The following CENPE variants were observed in gnomAD, a reference collection of about 807,000 sequenced individuals.
CENPE encodes centromere-associated protein E.
A neutral mutation model predicts 336.1 loss-of-function variants in CENPE; 145 were observed. That is an observed-to-expected ratio of 0.43 (90% CI 0.38 to 0.50). The LOEUF (loss-of-function observed/expected upper bound fraction) is 0.50. Among genes scored for constraint, CENPE ranks in the 20% least tolerant of loss-of-function variants. The pLI is 0.00. For synonymous variants in CENPE, 1,013 were observed against 984.8 expected, an observed-to-expected ratio of 1.03 and a Z score of -0.54; for missense variants, 2,719 against 3,023.3, an observed-to-expected ratio of 0.90 and a Z score of 2.36.
chr4:103,163,607 G>GAA, intron 16 of CENPE, 54 bp from the exon 17 acceptor site: 1 of 198,406 alleles, frequency 5.0e-6, no homozygotes, highest in Non-Finnish European at 7.7e-6. Context: ...ATAAAGCAAA[G>GAA]CAAAAAAAAA....
rs1475697309 is a variant in CENPE, at chr4:103,180,368, T to C, written c.1185A>G (p.Glu395=). The C allele has an allele frequency of 6.2e-7, 1 of 1,613,282 alleles. No homozygotes were observed. Among genetic ancestry groups the C allele is most frequent in the Non-Finnish European group, 8.5e-7 (1 of 1,179,554 alleles). Residue 395 remains glutamate, a synonymous_variant, in exon 13 of 49, where the codon GAA becomes GAG. Transcript: ENST00000265148. ...LLQKVQNEKI[E]NLTRMLVTSS... is the part of the protein sequence containing the mutation. ...AGGTCACCAGCATCCGTGTTAAGTT[T>C]TCAATTTTCTCATTCTGTACTTTCT...
rs1752849712 is a variant in CENPE, at chr4:103,144,538, T to C, written c.4938A>G (p.Ile1646Met). ...VNETQEKMCE[I>M]EHLKEQFETQ... ...TCTCAAATTGCTCCTTCAAGTGTTCTATTTCACACATTTTCTCCTGAGTCT... is the reference window on the plus strand; with the variant it reads ...TCTCAAATTGCTCCTTCAAGTGTTCCATTTCACACATTTTCTCCTGAGTCT... Residue 1646 changes from isoleucine to methionine, a missense_variant, in exon 33 of 49, where the codon ATA becomes ATG. Around this residue, in one of 5 missense-constraint regions of CENPE, gnomAD observed 2,437 missense variants for 2,513.3 expected, o/e 0.97. Coordinates refer to ENST00000265148, the MANE Select transcript of CENPE (RefSeq NM_001813.3). 1 of 1,613,530 alleles carries C rather than the reference T, an allele frequency of 6.2e-7. No homozygotes were observed. The highest frequency in any genetic ancestry group is 8.5e-7 in the Non-Finnish European group (1 of 1,179,532).
intron 44 of CENPE, among the ~76,000 whole-genome samples, chr4:103,117,442 G>A (rs1040361662): frequency 3.3e-5 from 5 of 151,880 alleles, no homozygotes; most frequent in Admixed American, 6.6e-5. Context: ...AAAAAACCCC[G>A]TGCTTTGCCT....
intron 46 of CENPE, among the ~76,000 whole-genome samples, chr4:103,113,255 T>C (rs1749735318): frequency 7.1e-6 from 1 of 141,810 alleles, no homozygotes; most frequent in South Asian, 2.2e-4. Context: ...TAAGTATATA[T>C]AAGTGTATAC....
At chr4:103,171,220 AAC>A (rs1300322486) in intron 16 of CENPE, among the ~76,000 whole-genome samples, 3 of 152,134 alleles carry the variant, frequency 2.0e-5, no homozygotes, top group Non-Finnish European at 4.4e-5. Flanking sequence ...AGCTGCAGAA[AAC>A]ACATTCTTAT....
chr4:103,165,885 AAAAAAAAAG>A (rs1024813508), intron 16 of CENPE, among the ~76,000 whole-genome samples: 17 of 151,346 alleles, frequency 1.1e-4, no homozygotes, highest in African/African-American at 3.4e-4. Context: ...GTTTTAAAAA[AAAAAAAAAG>A]AAAAAAAAGA....
At chr4:103,135,857 T>C (rs1222492632) in intron 40 of CENPE, among the ~76,000 whole-genome samples, 3 of 152,210 alleles carry the variant, frequency 2.0e-5, no homozygotes, top group Non-Finnish European at 4.4e-5. Flanking sequence ...ACTTCTATCA[T>C]TGCACTTAAT....
At chr4:103,122,760 A>G (rs1750750354) in intron 43 of CENPE, 111 bp downstream of exon 43, 1 of 766,098 alleles carries the variant, frequency 1.3e-6, no homozygotes, top group African/African-American at 1.8e-5. Context: ...CAAGCCCATC[A>G]CTTACAAAAA....
intron 30 of CENPE, 70 bp from the exon 31 acceptor site, chr4:103,145,751 C>T (rs1578603807): frequency 6.6e-7 from 1 of 1,513,038 alleles, no homozygotes; most frequent in South Asian, 1.3e-5. Context: ...ATTAACTCCC[C>T]TTTCCAAATA....
In CENPE at chr4:103,120,167, T is replaced by A; in HGVS notation, c.7310A>T (p.Glu2437Val). The A allele has an allele frequency of 6.2e-7, 1 of 1,601,100 alleles. No homozygotes were observed. The highest frequency in any genetic ancestry group is 8.5e-7 in the Non-Finnish European group (1 of 1,175,904). The change falls in exon 44 of 49, where the codon GAG (glutamate) becomes GTG (valine). Residue 2437 changes from glutamate (E) to valine (V), a missense_variant. By Grantham distance (121) the Glu-to-Val change is moderately radical. Transcript: ENST00000265148. ...AGTTACCTGAAGTACTTGAATTGTC[T>A]CTTTTGTTTTTTCAAGGCATTTATT... ...ESNKCLEKTK[E>V]TIQVLQDKVA...
intron 42 of CENPE, among the ~76,000 whole-genome samples, chr4:103,125,168 C>A (rs1053204259): frequency 6.6e-6 from 1 of 152,116 alleles, no homozygotes; most frequent in African/African-American, 2.4e-5. Flanking sequence ...TTAAAAAAGG[C>A]ATTGTTCCTT....
At chr4:103,158,549 T>C in intron 23 of CENPE, 65 bp downstream of exon 23, 1 of 1,517,126 alleles carries the variant, frequency 6.6e-7, no homozygotes, top group Non-Finnish European at 8.8e-7. Context: ...AAATAATAAA[T>C]GATGGCCTCT....
chr4:103,160,207 C>T (rs1170827212), intron 21 of CENPE, among the ~76,000 whole-genome samples: 1 of 151,788 alleles, frequency 6.6e-6, no homozygotes, highest in African/African-American at 2.4e-5. Context: ...AAACATTCAC[C>T]AGCCTGCAAG....
At chr4:103,166,503 C>T (rs894467182) in intron 16 of CENPE, among the ~76,000 whole-genome samples, 3 of 152,132 alleles carry the variant, frequency 2.0e-5, no homozygotes, top group Non-Finnish European at 2.9e-5. Context: ...CTGTGGAGAA[C>T]TTATAGACTT....
Position 103,140,316 on chromosome 4 carries a change from T to C in CENPE, c.5853A>G (p.Thr1951=). 1 of 1,605,596 alleles carries C rather than the reference T, an allele frequency of 6.2e-7. No homozygotes were observed. Among genetic ancestry groups the C allele is most frequent in the Non-Finnish European group, 8.5e-7 (1 of 1,174,860 alleles). ...CCTTTTGAATGTCTGAAATTTGAATTGTCTTTTCTGAAATTTTTTCTCTAA... is the reference window on the plus strand; with the variant it reads ...CCTTTTGAATGTCTGAAATTTGAATCGTCTTTTCTGAAATTTTTTCTCTAA... ...DKLREKISEK[T]IQISDIQKDL... Residue 1951 remains threonine, a synonymous_variant, in exon 37 of 49, where the codon ACA becomes ACG. Coordinates refer to ENST00000265148, the MANE Select transcript of CENPE (RefSeq NM_001813.3).
chr4:103,152,890 A>G (rs1365083018), intron 25 of CENPE, among the ~76,000 whole-genome samples, 157 bp downstream of exon 25: 2 of 152,170 alleles, frequency 1.3e-5, no homozygotes, highest in Non-Finnish European at 2.9e-5. Context: ...ACTGGGGTGA[A>G]GAGGAAATGG....
intron 46 of CENPE, 94 bp from the exon 47 acceptor site, chr4:103,111,105 G>T: frequency 1.1e-6 from 1 of 925,378 alleles, no homozygotes; most frequent in Non-Finnish European, 1.6e-6. Context: ...AGCCATTATA[G>T]AGACCCAAAC....
At chr4:103,194,490 A>G in intron 6 of CENPE, 49 bp from the exon 7 acceptor site, 1 of 1,478,590 alleles carries the variant, frequency 6.8e-7, no homozygotes, top group Non-Finnish European at 9.3e-7. Flanking sequence ...AAATCCATAG[A>G]AACACAATAA....
intron 42 of CENPE, among the ~76,000 whole-genome samples, chr4:103,128,255 G>A (rs917801908): frequency 3.3e-5 from 5 of 152,022 alleles, no homozygotes; most frequent in East Asian, 1.9e-4. Flanking sequence ...TAACAAAAAC[G>A]CATTAAAATA....
Sources: allele counts gnomAD v4.1 joint callset (sites outside exome capture counted in the v4.1 genomes callset), GRCh38; gene constraint gnomAD v4.1.1; regional missense constraint gnomAD v4.1.1; transcripts MANE v1.5; gene names NCBI Gene and HGNC (gene_info 2026-07-23, HGNC 2026-07-21).